BICC1: variants seen among roughly 807,000 people sequenced by gnomAD.
The protein encoded by BICC1 is protein bicaudal C homolog 1.
In BICC1, 43 loss-of-function variants were observed where a neutral mutation model predicts 111.0. That is an observed-to-expected ratio of 0.39 (90% CI 0.30 to 0.50). The LOEUF (loss-of-function observed/expected upper bound fraction) is 0.50, where lower values mean the gene tolerates loss of function less well. Among genes scored for constraint, BICC1 ranks in the 20% least tolerant of loss-of-function variants. BICC1 has a pLI of 0.88. For synonymous variants in BICC1, 467 were observed against 434.4 expected, an observed-to-expected ratio of 1.07 and a Z score of -0.93; for missense variants, 1,091 against 1,203.2, an observed-to-expected ratio of 0.91 and a Z score of 1.38.
chr10:58,758,897 T>C (rs894710946), intron 3 of BICC1, among the ~76,000 whole-genome samples: 1 of 151,178 alleles, frequency 6.6e-6, no homozygotes, highest in Admixed American at 6.6e-5. Context: ...AAGTCCAATT[T>C]AGCTTCCCAA....
intron 3 of BICC1, among the ~76,000 whole-genome samples, chr10:58,755,428 T>C (rs146688790): frequency 1.3e-5 from 2 of 152,346 alleles, no homozygotes; most frequent in Non-Finnish European, 2.9e-5. Flanking sequence ...CATGTGATTT[T>C]AGTTTACATT....
At chr10:58,798,343 T>C in intron 10 of BICC1, 56 bp from the exon 11 acceptor site, 1 of 1,351,880 alleles carries the variant, frequency 7.4e-7, no homozygotes, top group Non-Finnish European at 9.9e-7. Flanking sequence ...TGGTGCCATC[T>C]CTATTTTAAA....
At chr10:58,596,164 A>C (rs1588907704) in intron 1 of BICC1, among the ~76,000 whole-genome samples, 1 of 152,230 alleles carries the variant, frequency 6.6e-6, no homozygotes, top group Non-Finnish European at 1.5e-5. Flanking sequence ...AACCAGGAAG[A>C]AGTTGAATCC....
intron 1 of BICC1, among the ~76,000 whole-genome samples, chr10:58,546,487 G>A (rs1401682094): frequency 6.6e-6 from 1 of 152,084 alleles, no homozygotes; most frequent in Non-Finnish European, 1.5e-5. Context: ...ATATTTATGG[G>A]CCAAGTAAAA....
intron 20 of BICC1, among the ~76,000 whole-genome samples, chr10:58,826,450 T>G (rs1045258249): frequency 7.2e-5 from 11 of 152,278 alleles, no homozygotes; most frequent in African/African-American, 2.6e-4. Flanking sequence ...AAAGGATTTT[T>G]ATTAGTAAGA....
Position 58,813,813 on chromosome 10 carries a change from G to T in BICC1, c.2377-17G>T. ...ACCTGATTAAATATTTCCTTATCTG[G>T]CTTTGTCTGTTTACAGGGCTCATCC... On this transcript the variant is annotated splice_polypyrimidine_tract_variant and intron_variant, in intron 17 of 20. Transcript: ENST00000373886. The T allele has an allele frequency of 1.2e-6, 2 of 1,611,006 alleles. No homozygotes were observed. Among genetic ancestry groups the T allele is most frequent in the Non-Finnish European group, 1.7e-6 (2 of 1,178,058 alleles).
At chr10:58,697,230 A>AT (rs1840089582) in intron 2 of BICC1, among the ~76,000 whole-genome samples, 1 of 152,124 alleles carries the variant, frequency 6.6e-6, no homozygotes, top group Non-Finnish European at 1.5e-5. Flanking sequence ...CTTGGAAGTG[A>AT]TTTTCTTGTC....
In BICC1 at chr10:58,603,551, C is replaced by T. The variant is rs78665043; in HGVS notation, c.191-17304C>T. Among the ~76,000 whole-genome samples, 1,092 of 152,086 alleles carry T rather than the reference C, an allele frequency of 7.2e-3. 11 individuals are homozygous for T. The highest frequency in any genetic ancestry group is 0.025 in the African/African-American group (1,028 of 41,482). On this transcript the variant is annotated intron_variant, in intron 1 of 20. Transcript: ENST00000373886. ...GGTATGCCGTCAGTCCACTGTAGAG[C>T]GTAATAGTTGATACACTGAGTTAGT...
intron 8 of BICC1, among the ~76,000 whole-genome samples, chr10:58,792,919 G>T (rs1383551646): frequency 1.3e-5 from 2 of 152,026 alleles, no homozygotes; most frequent in Non-Finnish European, 2.9e-5. Flanking sequence ...AAAGGTTGGG[G>T]ACCCCTGAGT....
At chr10:58,516,874 G>A (rs1335048891) in intron 1 of BICC1, among the ~76,000 whole-genome samples, 3 of 152,034 alleles carry the variant, frequency 2.0e-5, no homozygotes, top group Non-Finnish European at 4.4e-5. Context: ...GGAAAGGGAG[G>A]AGAGTGTTAT....
At chr10:58,552,792 G>T (rs1038732336) in intron 1 of BICC1, among the ~76,000 whole-genome samples, 2 of 152,104 alleles carry the variant, frequency 1.3e-5, no homozygotes, top group Non-Finnish European at 2.9e-5. Context: ...TTGGTGGTGA[G>T]ATATCTTCAG....
intron 3 of BICC1, among the ~76,000 whole-genome samples, chr10:58,745,604 C>CT (rs1554827826): frequency 8.1e-6 from 1 of 122,772 alleles, no homozygotes; most frequent in Non-Finnish European, 1.7e-5. Context: ...CCCCCACCGC[C>CT]CCCCCCCCAC....
intron 1 of BICC1, among the ~76,000 whole-genome samples, chr10:58,555,976 A>AT (rs969782341): frequency 6.6e-5 from 10 of 151,884 alleles, no homozygotes; most frequent in African/African-American, 1.5e-4. Context: ...TATTCTTAAA[A>AT]TTTTTTTTTA....
intron 3 of BICC1, among the ~76,000 whole-genome samples, chr10:58,713,996 T>C (rs903369432): frequency 2.0e-5 from 3 of 152,218 alleles, no homozygotes; most frequent in Admixed American, 6.5e-5. Context: ...ACATTTTTCA[T>C]TGTTACAGCT....
intron 2 of BICC1, among the ~76,000 whole-genome samples, chr10:58,681,024 A>C (rs1839504378): frequency 6.6e-6 from 1 of 152,248 alleles, no homozygotes; most frequent in South Asian, 2.1e-4. Context: ...AAATTAACTC[A>C]AGATGGATTA....
intron 3 of BICC1, among the ~76,000 whole-genome samples, chr10:58,712,039 C>G (rs1840592101): frequency 3.9e-5 from 6 of 152,054 alleles, no homozygotes; most frequent in Admixed American, 3.9e-4. Flanking sequence ...AAAAGTGGGT[C>G]AAAGATCTTA....
chr10:58,813,615 A>C (rs560000534), intron 17 of BICC1, among the ~76,000 whole-genome samples: 1 of 152,272 alleles, frequency 6.6e-6, no homozygotes, highest in Admixed American at 6.5e-5. Context: ...TGAAAGAAAA[A>C]GACTTCACTG....
At chr10:58,774,074 T>A (rs913240505) in intron 3 of BICC1, among the ~76,000 whole-genome samples, 4 of 152,188 alleles carry the variant, frequency 2.6e-5, no homozygotes, top group Admixed American at 6.5e-5. Context: ...ACATATGGCC[T>A]TCACTAACTA....
At chr10:58,571,067 T>C (rs1430637389) in intron 1 of BICC1, among the ~76,000 whole-genome samples, 1 of 152,170 alleles carries the variant, frequency 6.6e-6, no homozygotes, top group Non-Finnish European at 1.5e-5. Flanking sequence ...TAGACTTGGT[T>C]GCAGCTCTAG....
Sources: gnomAD v4.1 joint callset for allele counts (sites outside exome capture counted in the v4.1 genomes callset) on GRCh38, gnomAD v4.1.1 for gene constraint, MANE v1.5 for transcripts, NCBI Gene and HGNC (gene_info 2026-07-23, HGNC 2026-07-21) for gene names.